The following DST variants were observed in gnomAD, a reference collection of about 807,000 sequenced individuals.
DST encodes the protein bullous pemphigoid antigen.
In DST, 253 loss-of-function variants were observed where a neutral mutation model predicts 875.2. The ratio of observed to expected loss-of-function variants is 0.29; its 90% CI spans 0.26 to 0.32. DST has a LOEUF of 0.32. Among genes scored for constraint, DST ranks in the 10% least tolerant of loss-of-function variants. DST has a pLI of 1.00. For missense variants in DST, 8,287 were observed against 9,111.6 expected (o/e 0.91, Z 3.68); for synonymous variants, 3,124 against 3,197.1 (o/e 0.98, Z 0.77).
chr6:56,883,319 T>C (rs560557845), intron 3 of DST, among the ~76,000 whole-genome samples: 106 of 152,252 alleles, frequency 7.0e-4, no homozygotes, highest in Non-Finnish European at 1.4e-3. Context: ...TTGTCTATTT[T>C]ATATTATTTG....
chr6:56,604,656 C>T lies in DST; in HGVS notation c.9972G>A (p.Glu3324=), dbSNP rs752593567. The change falls in exon 40 of 104, where the codon GAG becomes GAA. Residue 3324 remains glutamate, a synonymous_variant. Coordinates refer to ENST00000680361, the MANE Select transcript of DST (RefSeq NM_001374736.1). ...LEINNKKERI[E]QQLPKEQALS... Reference sequence around the variant, plus strand: ...AGGCTTGTTCTTTTGGTAGCTGTTGCTCAATTCTTTCTTTCTTATTATTAA... The same window carrying T: ...AGGCTTGTTCTTTTGGTAGCTGTTGTTCAATTCTTTCTTTCTTATTATTAA... 5.0e-6 allele frequency: 8 copies of T among 1,612,210 alleles called. No homozygotes were observed. Among genetic ancestry groups the T allele is most frequent in the Non-Finnish European group, 5.9e-6 (7 of 1,179,042 alleles).
At chr6:56,720,780 ATCTC>A (rs1008245982) in intron 5 of DST, among the ~76,000 whole-genome samples, 12 of 152,216 alleles carry the variant, frequency 7.9e-5, no homozygotes, top group African/African-American at 2.6e-4. Flanking sequence ...TAACAATGTG[ATCTC>A]TCTTTCTTTT....
At chr6:56,527,220 CT>C (rs775885946) in intron 68 of DST, among the ~76,000 whole-genome samples, 11 of 148,900 alleles carry the variant, frequency 7.4e-5, no homozygotes, top group Admixed American at 5.4e-4. Flanking sequence ...GATCATTTTC[CT>C]TTTTTTTTTC....
intron 44 of DST, 50 bp from the exon 45 acceptor site, chr6:56,600,271 T>C (rs756169305): frequency 3.2e-6 from 5 of 1,554,922 alleles, no homozygotes; most frequent in Non-Finnish European, 4.4e-6. Flanking sequence ...GGTCACAAAA[T>C]CGCTATTGTG....
chr6:56,557,929 C>T (rs925766705), intron 58 of DST, among the ~76,000 whole-genome samples: 5 of 152,108 alleles, frequency 3.3e-5, no homozygotes, highest in Non-Finnish European at 7.4e-5. Context: ...ATATCTATCC[C>T]CAATTATTCT....
In DST at chr6:56,552,423, G is replaced by C. The variant is rs1407789775; in HGVS notation, c.16369C>G (p.Pro5457Ala). The C allele has an allele frequency of 2.5e-6, 4 of 1,613,844 alleles. No homozygotes were observed. Among genetic ancestry groups the C allele is most frequent in the Admixed American group, 1.7e-5 (1 of 59,994 alleles). ...TCCCTTTTGATTCCAACAAGGTCAGGAGAGGTTTCTTCTGTGGCTAACATC... is the reference window on the plus strand; with the variant it reads ...TCCCTTTTGATTCCAACAAGGTCAGCAGAGGTTTCTTCTGTGGCTAACATC... ...KMMLATEETSPDLVGIKRDLE... is the reference protein window; with the variant it reads ...KMMLATEETSADLVGIKRDLE... The change falls in exon 61 of 104, where the codon CCT becomes GCT. Residue 5457 changes from proline to alanine, a missense_variant. Physicochemically the swap from Pro to Ala is conservative, Grantham distance 27 (BLOSUM62 -1). Transcript: ENST00000680361.
chr6:56,615,287 C>A, intron 36 of DST: 1 of 1,310,686 alleles, frequency 7.6e-7, no homozygotes, highest in Non-Finnish European at 9.7e-7. Context: ...GGCCAAGTTT[C>A]AAAAAACCAT....
At chr6:56,662,801 G>C (rs1053214794) in intron 10 of DST, among the ~76,000 whole-genome samples, 14 of 151,836 alleles carry the variant, frequency 9.2e-5, no homozygotes, top group Non-Finnish European at 1.9e-4. Context: ...AATTAGTTGG[G>C]CATGGGGGCG....
Position 56,639,977 on chromosome 6 carries a change from T to A in DST, c.2571A>T (p.Arg857Ser), listed in dbSNP as rs1382587781. 1 of 1,613,530 alleles carries A rather than the reference T, an allele frequency of 6.2e-7. No individual in the cohort carries two copies. The highest frequency in any genetic ancestry group is 2.2e-5 in the East Asian group (1 of 44,872). ...GACTAGATTCAAATTCTTCAATAGC[T>A]CTATGAACATTTTTATGATTTTCTA... ...SHLENHKNVH[R>S]AIEEFESSLK... The change falls in exon 19 of 104, where the codon AGA (arginine) becomes AGT (serine). Residue 857 changes from arginine to serine, a missense_variant. Transcript: ENST00000680361.
At chr6:56,598,835 ATT>A in intron 45 of DST, 126 bp from the exon 46 acceptor site, 1 of 445,760 alleles carries the variant, frequency 2.2e-6, no homozygotes, top group Non-Finnish European at 3.8e-6. Context: ...GAATAAACAT[ATT>A]GAGTATGTTA....
chr6:56,488,960 C>T (rs1486670990), intron 86 of DST, among the ~76,000 whole-genome samples: 5 of 152,258 alleles, frequency 3.3e-5, no homozygotes, highest in African/African-American at 1.2e-4. Context: ...TCTATATAAA[C>T]ATGTCTTTGG....
chr6:56,603,233 T>C lies in DST; in HGVS notation c.11129A>G (p.Gln3710Arg), dbSNP rs2098461799. ...LSNVSSERTK[Q>R]IMLAIDSEMS... is the part of the protein sequence containing the mutation. ...TTCAGAGTCGATCGCAAGCATGATC[T>C]GTTTCGTTCTTTCTGAAGACACGTT... Residue 3710 changes from glutamine to arginine, a missense_variant, in exon 42 of 104, where the codon CAG (glutamine) becomes CGG (arginine). By Grantham distance (43) the Gln-to-Arg change is conservative. This residue lies in a region of DST where 3,138 missense variants were observed against 3,116.6 expected (regional missense o/e 1.01). Coordinates refer to ENST00000680361, the MANE Select transcript of DST (RefSeq NM_001374736.1). The C allele has an allele frequency of 1.2e-6, 2 of 1,605,890 alleles. No homozygotes were observed. Among genetic ancestry groups the C allele is most frequent in the African/African-American group, 1.3e-5 (1 of 74,760 alleles).
Position 56,501,505 on chromosome 6 carries a change from A to T in DST, c.19740+15T>A, listed in dbSNP as rs773937379. ...TGAAAATTTATAATTTCTTAAGAAA[A>T]GTCTTGGTATTTACCTGTCTGTTGA... On this transcript the variant is annotated intron_variant, in intron 79 of 103. Transcript: ENST00000680361. The T allele has an allele frequency of 1.5e-5, 22 of 1,470,262 alleles. No individual in the cohort carries two copies. The South Asian group carries it at 3.3e-4, about 22-fold the overall frequency. 91.1% of individuals were successfully genotyped at this position (1,470,262 alleles called of 1,614,324 possible).
intron 15 of DST, 94 bp from the exon 16 acceptor site, chr6:56,642,597 C>T: frequency 6.2e-7 from 1 of 1,613,952 alleles, no homozygotes; most frequent in Non-Finnish European, 8.5e-7. Flanking sequence ...AAGTAAAACA[C>T]AATCCCACAC....
chr6:56,528,491 G>A (rs941394039), intron 67 of DST, among the ~76,000 whole-genome samples: 5 of 152,128 alleles, frequency 3.3e-5, no homozygotes, highest in African/African-American at 9.7e-5. Context: ...ACTGCAATGC[G>A]ATCTATCTTA....
At chr6:56,819,446 C>A (rs2099770406) in intron 4 of DST, among the ~76,000 whole-genome samples, 1 of 152,054 alleles carries the variant, frequency 6.6e-6, no homozygotes, top group African/African-American at 2.4e-5. Flanking sequence ...AGTTTAAGAA[C>A]CTCCATTTTA....
At chr6:56,476,525 G>C (rs1478895051) in intron 91 of DST, among the ~76,000 whole-genome samples, 188 bp from the exon 92 acceptor site, 1 of 152,178 alleles carries the variant, frequency 6.6e-6, no homozygotes, top group Non-Finnish European at 1.5e-5. Context: ...AGCCCACGAT[G>C]ATGTTCATCA....
intron 4 of DST, among the ~76,000 whole-genome samples, chr6:56,840,527 A>G (rs1455473729): frequency 1.3e-5 from 2 of 152,188 alleles, no homozygotes; most frequent in African/African-American, 4.8e-5. Flanking sequence ...TTTACAAGTA[A>G]CAGGACTCGA....
intron 61 of DST, chr6:56,541,055 C>T (rs1202740257): frequency 6.6e-6 from 1 of 152,622 alleles, no homozygotes; most frequent in Non-Finnish European, 1.5e-5. Context: ...ACCCCATCTG[C>T]ACTTGCTGGC....
Sources: gnomAD v4.1 joint callset for allele counts (sites outside exome capture counted in the v4.1 genomes callset) on GRCh38, gnomAD v4.1.1 for gene constraint, gnomAD v4.1.1 regional missense constraint, MANE v1.5 for transcripts, NCBI Gene and HGNC (gene_info 2026-07-23, HGNC 2026-07-21) for gene names.